DPYD: variants seen among roughly 807,000 people sequenced by gnomAD.
DPYD encodes the protein dihydropyrimidine dehydrogenase.
Under a neutral mutation model 116.2 loss-of-function variants are expected in DPYD, and 109 were observed. The observed-to-expected ratio is 0.94, with a 90% CI of 0.80 to 1.10. DPYD has a LOEUF of 1.10. Among genes scored for constraint, DPYD ranks in the 50% least tolerant of loss-of-function variants. DPYD has a pLI of 0.00. For synonymous variants in DPYD, 440 were observed against 432.0 expected (o/e 1.02, Z -0.23); for missense variants, 1,302 against 1,254.5 (o/e 1.04, Z -0.57).
chr1:97,901,055 T>G (rs1207794233), intron 1 of DPYD, among the ~76,000 whole-genome samples: 1 of 151,832 alleles, frequency 6.6e-6, no homozygotes, highest in African/African-American at 2.4e-5. Context: ...TGTTCTTATA[T>G]CAGATGACTA....
At chr1:97,173,228 A>G (rs1427817328) in intron 20 of DPYD, among the ~76,000 whole-genome samples, 7 of 104,960 alleles carry the variant, frequency 6.7e-5, no homozygotes, top group Non-Finnish European at 1.2e-4. Context: ...ATACGTACAT[A>G]TATGCGCACA....
At chr1:97,751,454 GTGTGTGTATATATATATATATATA>G (rs1238864470) in intron 3 of DPYD, among the ~76,000 whole-genome samples, 213 of 29,414 alleles carry the variant, frequency 7.2e-3, no homozygotes, top group African/African-American at 0.023. Flanking sequence ...GTGTGTGTGT[GTGTGTGTATATATATATATATATA>G]TATATATATA....
chr1:97,324,653 A>G (rs945394825), intron 16 of DPYD, among the ~76,000 whole-genome samples: 1 of 152,114 alleles, frequency 6.6e-6, no homozygotes, highest in African/African-American at 2.4e-5. Flanking sequence ...TGTCAGGTTC[A>G]GCAGAATATA....
intron 13 of DPYD, among the ~76,000 whole-genome samples, chr1:97,488,219 T>A (rs531762548): frequency 6.6e-6 from 1 of 152,284 alleles, no homozygotes; most frequent in African/African-American, 2.4e-5. Context: ...ACAATATTTT[T>A]GAAATTAGAA....
At chr1:97,867,074 G>A (rs545062503) in intron 2 of DPYD, among the ~76,000 whole-genome samples, 1 of 151,876 alleles carries the variant, frequency 6.6e-6, no homozygotes, top group East Asian at 1.9e-4. Flanking sequence ...GAGGACAAGG[G>A]GAGAGGCAGA....
rs534213499 is a variant in DPYD, at chr1:97,078,813, G to C, written c.*163C>G. On this transcript the variant is annotated 3_prime_UTR_variant, in exon 23 of 23. Transcript: ENST00000370192. ...ACTAATTGAATGGTCATTGACATGA[G>C]ACATTTTTTACACTTACAAATGTAT... 2.5e-6 allele frequency: 2 copies of C among 794,434 alleles called. No individual in the cohort carries two copies. The highest frequency in any genetic ancestry group is 3.4e-5 in the South Asian group (2 of 59,006). 49.2% of individuals were successfully genotyped at this position (794,434 alleles called of 1,614,324 possible).
chr1:97,714,206 C>G (rs182024988), intron 5 of DPYD, among the ~76,000 whole-genome samples: 1 of 151,616 alleles, frequency 6.6e-6, no homozygotes, highest in Non-Finnish European at 1.5e-5. Flanking sequence ...GTCACATAGA[C>G]CCCCCCTTTT....
chr1:97,569,815 T>A (rs1026803944), intron 11 of DPYD, among the ~76,000 whole-genome samples: 1 of 152,032 alleles, frequency 6.6e-6, no homozygotes, highest in African/African-American at 2.4e-5. Context: ...GATCGGCACA[T>A]AACATATTCC....
intron 10 of DPYD, among the ~76,000 whole-genome samples, chr1:97,588,791 C>G (rs1437346497): frequency 6.6e-6 from 1 of 152,306 alleles, no homozygotes; most frequent in African/African-American, 2.4e-5. Context: ...TGGAAAGACA[C>G]TTGGAATCAG....
intron 19 of DPYD, among the ~76,000 whole-genome samples, chr1:97,217,732 A>G (rs1660508449): frequency 6.6e-6 from 1 of 152,082 alleles, no homozygotes; most frequent in Non-Finnish European, 1.5e-5. Flanking sequence ...GACAGATACA[A>G]TTACAGTTGA....
In DPYD at chr1:97,521,242, T is replaced by C. The variant is rs186526300; in HGVS notation, c.1525-5301A>G. ...TAATGACCAGTGATGATGACCTTTT[T>C]TTCACATGTTTGTTGGCTGCACAAA... is the stretch of plus-strand genomic sequence containing the variant. On this transcript the variant is annotated intron_variant, in intron 12 of 22. Coordinates refer to ENST00000370192, the MANE Select transcript of DPYD (RefSeq NM_000110.4). Among the ~76,000 whole-genome samples, 277 of 152,336 alleles carry C rather than the reference T, an allele frequency of 1.8e-3. 3 individuals carry two copies. The highest frequency in any genetic ancestry group is 0.015 in the Admixed American group (222 of 15,290).
intron 14 of DPYD, among the ~76,000 whole-genome samples, chr1:97,400,310 T>C (rs1466850396): frequency 6.6e-6 from 1 of 152,184 alleles, no homozygotes; most frequent in Non-Finnish European, 1.5e-5. Context: ...CACTTGATCA[T>C]GGTGGATAAG....
intron 20 of DPYD, among the ~76,000 whole-genome samples, chr1:97,103,692 G>T (rs988293892): frequency 2.6e-5 from 4 of 152,066 alleles, no homozygotes; most frequent in Admixed American, 1.3e-4. Context: ...AGTCAAATTT[G>T]CATTAAAATC....
At chr1:97,466,111 C>G (rs533256315) in intron 13 of DPYD, among the ~76,000 whole-genome samples, 1 of 152,116 alleles carries the variant, frequency 6.6e-6, no homozygotes, top group Non-Finnish European at 1.5e-5. Flanking sequence ...TAAATAAATA[C>G]ATAAATTGAT....
At chr1:97,751,203 G>A (rs368303716) in intron 3 of DPYD, among the ~76,000 whole-genome samples, 2 of 151,194 alleles carry the variant, frequency 1.3e-5, no homozygotes, top group African/African-American at 4.9e-5. Flanking sequence ...CTGGCAAAAG[G>A]GAGGAGTTAC....
intron 18 of DPYD, among the ~76,000 whole-genome samples, chr1:97,291,193 G>T (rs2100984509): frequency 6.6e-6 from 1 of 152,130 alleles, no homozygotes; most frequent in South Asian, 2.1e-4. Flanking sequence ...AACAACAGGT[G>T]CTGGAGAGGA....
chr1:97,884,033 G>T (rs1672365572), intron 1 of DPYD, among the ~76,000 whole-genome samples: 1 of 151,802 alleles, frequency 6.6e-6, no homozygotes, highest in Non-Finnish European at 1.5e-5. Flanking sequence ...TGTTATCATT[G>T]ATATAATGAC....
intron 18 of DPYD, chr1:97,296,092 T>C (rs1315794494): frequency 2.0e-5 from 3 of 152,238 alleles, no homozygotes; most frequent in African/African-American, 4.8e-5. Flanking sequence ...ATATTTTTCA[T>C]TGATCTCAAA....
intron 13 of DPYD, among the ~76,000 whole-genome samples, chr1:97,512,478 T>G (rs958930497): frequency 1.9e-4 from 29 of 151,920 alleles, no homozygotes; most frequent in African/African-American, 7.0e-4. Flanking sequence ...TCTTAGTTTA[T>G]TTATCTGTGC....
Sources: allele counts gnomAD v4.1 joint callset (sites outside exome capture counted in the v4.1 genomes callset), GRCh38; gene constraint gnomAD v4.1.1; transcripts MANE v1.5; gene names NCBI Gene and HGNC (gene_info 2026-07-23, HGNC 2026-07-21).